SHMT1: variants seen among roughly 807,000 people sequenced by gnomAD.
SHMT1 encodes the protein serine hydroxymethyltransferase 1, also known as serine hydroxymethyltransferase, cytosolic.
A neutral mutation model predicts 49.0 loss-of-function variants in SHMT1; 45 were observed. The ratio of observed to expected loss-of-function variants is 0.92; its 90% CI spans 0.72 to 1.18. The LOEUF (loss-of-function observed/expected upper bound fraction) is 1.18. Ranked by LOEUF, SHMT1 falls within the 50% of genes most tolerant of loss-of-function variation. SHMT1 has a pLI of 0.00. For synonymous variants in SHMT1, 232 were observed against 246.6 expected (o/e 0.94, Z 0.55); for missense variants, 541 against 612.4 (o/e 0.88, Z 1.23).
At chr17:18,333,872 A>G (rs1983510745) in intron 8 of SHMT1, among the ~76,000 whole-genome samples, 1 of 152,174 alleles carries the variant, frequency 6.6e-6, no homozygotes, top group Non-Finnish European at 1.5e-5. Context: ...CTTGATGTTC[A>G]GGGCTCAGAT....
intron 5 of SHMT1, among the ~76,000 whole-genome samples, chr17:18,345,401 G>A (rs1984980299): frequency 6.6e-6 from 1 of 151,876 alleles, no homozygotes; most frequent in South Asian, 2.1e-4. Flanking sequence ...GGGATTACAG[G>A]TGCCCGCCAC....
chr17:18,362,135 T>G (rs943343033), intron 1 of SHMT1, among the ~76,000 whole-genome samples: 6 of 152,154 alleles, frequency 3.9e-5, no homozygotes, highest in Non-Finnish European at 8.8e-5. Flanking sequence ...AAGAGGAAAT[T>G]GAGGCCCAGG....
At chr17:18,332,805 G>A in intron 9 of SHMT1, 2 of 367,518 alleles carry the variant, frequency 5.4e-6, no homozygotes, top group South Asian at 4.2e-5. Flanking sequence ...CTGGCACAGT[G>A]CAAGGCATCA....
Position 18,340,337 on chromosome 17 carries a change from C to T in SHMT1, c.602-82G>A. On this transcript the variant is annotated intron_variant, in intron 6 of 11. Transcript: ENST00000316694. The surrounding 1 kb of genome is among the most constrained non-coding windows in gnomAD (Gnocchi z 4.5). ...GGCTTCACAGTGGCCTCTAGATGTG[C>T]AGATCTGAAAGCCCAGAGATTTCTT... 5 of 1,386,822 alleles carry T rather than the reference C, an allele frequency of 3.6e-6. No individual in the cohort carries two copies. The highest frequency in any genetic ancestry group is 2.3e-5 in the South Asian group (2 of 85,702). The allele number at this position is 1,386,822 out of a possible 1,614,324, so 85.9% of individuals were successfully genotyped here. A position where few individuals can be genotyped will look rare whatever the true frequency, so the allele number is the denominator to read the frequency against.
chr17:18,338,872 C>T (rs978332477), intron 7 of SHMT1, among the ~76,000 whole-genome samples: 4 of 151,936 alleles, frequency 2.6e-5, no homozygotes, highest in East Asian at 3.9e-4. Context: ...GTCATCACCA[C>T]TCCCTAATCT....
chr17:18,361,003 C>T (rs928933553), intron 1 of SHMT1, among the ~76,000 whole-genome samples: 8 of 152,054 alleles, frequency 5.3e-5, no homozygotes, highest in Non-Finnish European at 8.8e-5. Flanking sequence ...AACCCCATCT[C>T]TACTAAAAAT....
At chr17:18,351,313 T>G (rs867395038) in intron 3 of SHMT1, among the ~76,000 whole-genome samples, 1 of 151,700 alleles carries the variant, frequency 6.6e-6, no homozygotes, top group Middle Eastern at 3.4e-3. Context: ...GCTAATTTTT[T>G]TGTATTTTTT....
At chr17:18,362,247 A>G (rs1042906478) in intron 1 of SHMT1, among the ~76,000 whole-genome samples, 2 of 152,176 alleles carry the variant, frequency 1.3e-5, no homozygotes, top group African/African-American at 4.8e-5. Context: ...TAAAAACACA[A>G]TTACCCACTT....
intron 8 of SHMT1, among the ~76,000 whole-genome samples, chr17:18,333,690 G>C (rs1297416337): frequency 1.3e-5 from 2 of 151,874 alleles, no homozygotes; most frequent in Non-Finnish European, 2.9e-5. Context: ...GGCTGGTCTT[G>C]AACTCCTGAC....
At position 18,335,575 on chromosome 17, in the gene SHMT1, G is replaced by A. The variant is rs1236395104; in HGVS notation, c.915C>T (p.His305=). 1 of 1,611,948 alleles carries A rather than the reference G, an allele frequency of 6.2e-7. No homozygotes were observed. Among genetic ancestry groups the A allele is most frequent in the Non-Finnish European group, 8.5e-7 (1 of 1,178,388 alleles). The change falls in exon 8 of 12, where the codon CAC becomes CAT. Residue 305 remains histidine (H), a synonymous_variant. Transcript: ENST00000316694. ...ATGTTTTACCAGCAATGGCGTGGTT[G>A]TGGGGACCTCCCTGCAGGCCAGGGA... is the stretch of plus-strand genomic sequence containing the variant. The part of the protein sequence containing the change: ...AVFPGLQGGP[H]NHAIAGVAVA...
In SHMT1 at chr17:18,328,121, T is replaced by G. The variant is rs1167762428; in HGVS notation, c.*629A>C. On this transcript the variant is annotated 3_prime_UTR_variant, in exon 12 of 12. Coordinates refer to ENST00000316694, the MANE Select transcript of SHMT1 (RefSeq NM_004169.5). Reference sequence around the variant, plus strand: ...AGGTGGAGCAGGAAAGCCTGGTTGATTCTCACACCAGGATGGGACTGGGAC... The same window carrying G: ...AGGTGGAGCAGGAAAGCCTGGTTGAGTCTCACACCAGGATGGGACTGGGAC... 4 of 152,570 alleles carry G rather than the reference T, an allele frequency of 2.6e-5. No homozygotes were observed. The highest frequency in any genetic ancestry group is 9.7e-5 in the African/African-American group (4 of 41,418). 9.5% of individuals were successfully genotyped at this position (152,570 alleles called of 1,614,324 possible). A position where few individuals can be genotyped will look rare whatever the true frequency, so the allele number is the denominator to read the frequency against.
intron 3 of SHMT1, among the ~76,000 whole-genome samples, chr17:18,351,154 T>A (rs1985652231): frequency 6.6e-6 from 1 of 151,692 alleles, no homozygotes; most frequent in South Asian, 2.1e-4. Flanking sequence ...ATTTTTATTA[T>A]TTTTTTGAGA....
intron 1 of SHMT1, among the ~76,000 whole-genome samples, chr17:18,362,759 G>C (rs1986890434): frequency 6.6e-6 from 1 of 152,200 alleles, no homozygotes; most frequent in Non-Finnish European, 1.5e-5. Flanking sequence ...TCGAAGCCAA[G>C]GCACCGGGCC....
At chr17:18,348,138 T>G (rs991222301) in intron 4 of SHMT1, 187 bp downstream of exon 4, 6 of 633,214 alleles carry the variant, frequency 9.5e-6, no homozygotes, top group Admixed American at 6.4e-5. Context: ...CAGGCTGGTC[T>G]TGAACTGCCG....
chr17:18,346,915 T>C (rs1164668203), intron 5 of SHMT1, among the ~76,000 whole-genome samples: 1 of 152,210 alleles, frequency 6.6e-6, no homozygotes, highest in African/African-American at 2.4e-5. Context: ...ACTTTTGCAC[T>C]ATCCTAAAGT....
Position 18,355,881 on chromosome 17 carries a change from C to A in SHMT1, c.96+5G>T. On this transcript the variant is annotated splice_donor_5th_base_variant and intron_variant, in intron 2 of 11. Coordinates refer to ENST00000316694, the MANE Select transcript of SHMT1 (RefSeq NM_004169.5). ...AAAAATCTGTGAAGACCCCAAAAAT[C>A]TCACCTCAACATCACTGTCTTTGAG... 6.2e-7 allele frequency: 1 copy of A among 1,605,480 alleles called. No homozygotes were observed. Among genetic ancestry groups the A allele is most frequent in the South Asian group, 1.1e-5 (1 of 90,888 alleles).
At chr17:18,358,185 C>T (rs141796892) in intron 1 of SHMT1, among the ~76,000 whole-genome samples, 4 of 142,746 alleles carry the variant, frequency 2.8e-5, no homozygotes, top group African/African-American at 7.6e-5. Context: ...GAAAGAAAAA[C>T]GACGTTAGAA....
intron 1 of SHMT1, among the ~76,000 whole-genome samples, chr17:18,356,565 T>G (rs1287139054): frequency 6.6e-6 from 1 of 151,272 alleles, no homozygotes; most frequent in Non-Finnish European, 1.5e-5. Context: ...TGAACTCCTC[T>G]CAAGTGATCC....
chr17:18,351,913 T>C (rs1985747980), intron 3 of SHMT1, among the ~76,000 whole-genome samples: 1 of 152,158 alleles, frequency 6.6e-6, no homozygotes, highest in Non-Finnish European at 1.5e-5. Context: ...GGCAAAATCA[T>C]AGCTCACTGC....
Sources: gnomAD v4.1 joint callset for allele counts (sites outside exome capture counted in the v4.1 genomes callset) on GRCh38, gnomAD v4.1.1 for gene constraint, Gnocchi (gnomAD v3.1) non-coding constraint, MANE v1.5 for transcripts, NCBI Gene and HGNC (gene_info 2026-07-23, HGNC 2026-07-21) for gene names.